TIFAB: variants seen among roughly 807,000 people sequenced by gnomAD.
TIFAB encodes the protein TIFA inhibitor.
For synonymous variants in TIFAB, 116 were observed against 95.2 expected (o/e 1.22, Z -1.27); for missense variants, 222 against 203.6 (o/e 1.09, Z -0.55).
In TIFAB at chr5:135,449,569, G is replaced by C; in HGVS notation, c.371C>G (p.Ala124Gly). 1 of 1,614,230 alleles carries C rather than the reference G, an allele frequency of 6.2e-7. No homozygotes were observed. Among genetic ancestry groups the C allele is most frequent in the Non-Finnish European group, 8.5e-7 (1 of 1,180,042 alleles). ...GCTGACATGGAAATAGCAGACAAAA[G>C]CCTCCAGGGATGTGCCTTCTTCTAC... is the stretch of plus-strand genomic sequence containing the variant. ...VRVEEGTSLE[A>G]FVCYFHVSPS... is the part of the protein sequence containing the mutation. The change falls in exon 2 of 2, where the codon GCT becomes GGT. Residue 124 changes from alanine to glycine, a missense_variant. Ala to Gly is a moderately conservative substitution (Grantham distance 60). Coordinates refer to ENST00000537858, the MANE Select transcript of TIFAB (RefSeq NM_001099221.2).
In TIFAB at chr5:135,451,480, T is replaced by C. The variant is rs562630205; in HGVS notation, c.-11+729A>G. On this transcript the variant is annotated intron_variant, in intron 1 of 1. Coordinates refer to ENST00000537858, the MANE Select transcript of TIFAB (RefSeq NM_001099221.2). ...CATAGTCTGCCGAAAGCCTTTCTTT[T>C]TTTTCTTTTTTTTTTTTTTCTGAGA... 4.1e-5 allele frequency among the ~76,000 whole-genome samples: 6 copies of C among 147,076 alleles called. No individual in the cohort carries two copies. In the East Asian group the frequency reaches 1.2e-3, roughly 30 times the overall value.
intron 1 of TIFAB, among the ~76,000 whole-genome samples, chr5:135,450,911 C>T (rs1165388415): frequency 2.0e-5 from 3 of 152,234 alleles, no homozygotes; most frequent in Non-Finnish European, 4.4e-5. Flanking sequence ...CCTTTCGCTG[C>T]CTTCTGACTC....
chr5:135,449,968 GAC>G lies in TIFAB; in HGVS notation c.-10-21_-10-20del. ...AGAAGTCCTGGGAAGTTGGAACATG[GAC>G]ACACAGGCTCAGCTTCAGTCAGAGA... is the stretch of plus-strand genomic sequence containing the variant. On this transcript the variant is annotated intron_variant, in intron 1 of 1. Coordinates refer to ENST00000537858, the MANE Select transcript of TIFAB (RefSeq NM_001099221.2). The G allele has an allele frequency of 6.6e-7, 1 of 1,514,250 alleles. No individual in the cohort carries two copies. Among genetic ancestry groups the G allele is most frequent in the African/African-American group, 1.4e-5 (1 of 71,772 alleles). 93.8% of individuals were successfully genotyped at this position (1,514,250 alleles called of 1,614,324 possible). A position where few individuals can be genotyped will look rare whatever the true frequency, so the allele number is the denominator to read the frequency against.
rs749660417 is a variant in TIFAB at position 135,449,711 on chromosome 5, C to T, written c.229G>A (p.Ala77Thr). Reference sequence around the variant, plus strand: ...CACACACAGCCCTTGCGGCTCAGGGCCTTGAGGCAGAAGGCCAGCAGGGCA... The same window carrying T: ...CACACACAGCCCTTGCGGCTCAGGGTCTTGAGGCAGAAGGCCAGCAGGGCA... ...GSALLAFCLK[A>T]LSRKGCVWVN... The change falls in exon 2 of 2, where the codon GCC becomes ACC. Residue 77 changes from alanine (A) to threonine (T), a missense_variant. Ala to Thr is a moderately conservative substitution (Grantham distance 58, BLOSUM62 0). Coordinates refer to ENST00000537858, the MANE Select transcript of TIFAB (RefSeq NM_001099221.2). 110 of 1,614,002 alleles carry T rather than the reference C, an allele frequency of 6.8e-5. No individual in the cohort carries two copies. Among genetic ancestry groups the T allele is most frequent in the Non-Finnish European group, 8.5e-5 (100 of 1,180,052 alleles).
At position 135,449,321 on chromosome 5, in the gene TIFAB, C is replaced by T. The variant is rs1580656232; in HGVS notation, c.*133G>A. On this transcript the variant is annotated 3_prime_UTR_variant, in exon 2 of 2. Coordinates refer to ENST00000537858, the MANE Select transcript of TIFAB (RefSeq NM_001099221.2). ...ATCTAGCAAAGGCTTGCTCTAGTGG[C>T]AGGGCTAGCAGAGTGCACTGTCTGG... 24 of 1,256,022 alleles carry T rather than the reference C, an allele frequency of 1.9e-5. No homozygotes were observed. The East Asian group carries it at 5.9e-4, about 31-fold the overall frequency. 77.8% of individuals were successfully genotyped at this position (1,256,022 alleles called of 1,614,324 possible). A position where few individuals can be genotyped will look rare whatever the true frequency, so the allele number is the denominator to read the frequency against.
chr5:135,447,108 T>G lies in TIFAB; in HGVS notation c.*2346A>C. 1.2e-6 allele frequency: 2 copies of G among 1,613,992 alleles called. No homozygotes were observed. The highest frequency in any genetic ancestry group is 3.3e-5 in the Admixed American group (2 of 60,024). On this transcript the variant is annotated 3_prime_UTR_variant, in exon 2 of 2. Coordinates refer to ENST00000537858, the MANE Select transcript of TIFAB (RefSeq NM_001099221.2). Reference sequence around the variant, plus strand: ...ATGTGGGTTGCTGCTCCGTAATGCATAGTTGGGGGACCATTTTGGTCAGTG... The same window carrying G: ...ATGTGGGTTGCTGCTCCGTAATGCAGAGTTGGGGGACCATTTTGGTCAGTG...
Position 135,446,228 on chromosome 5 carries a change from ATAGTAAGTGGG to A in TIFAB, c.*3215_*3225del, listed in dbSNP as rs1451978974. On this transcript the variant is annotated 3_prime_UTR_variant, in exon 2 of 2. Coordinates refer to ENST00000537858, the MANE Select transcript of TIFAB (RefSeq NM_001099221.2). Reference sequence around the variant, plus strand: ...GTTACTTGTCCAGGATCACAGAACTATAGTAAGTGGGGGTGGGGACAAGAATTCTAACCCAG... The same window carrying A: ...GTTACTTGTCCAGGATCACAGAACTAGGTGGGGACAAGAATTCTAACCCAG... The A allele has an allele frequency of 1.1e-6, 1 of 948,700 alleles. No individual in the cohort carries two copies. The highest frequency in any genetic ancestry group is 1.6e-6 in the Non-Finnish European group (1 of 634,072). 58.8% of individuals were successfully genotyped at this position (948,700 alleles called of 1,614,324 possible). A position where few individuals can be genotyped will look rare whatever the true frequency, so the allele number is the denominator to read the frequency against.
In TIFAB at chr5:135,449,365, T is replaced by C; in HGVS notation, c.*89A>G. The C allele has an allele frequency of 6.5e-7, 1 of 1,545,344 alleles. No individual in the cohort carries two copies. The highest frequency in any genetic ancestry group is 8.7e-7 in the Non-Finnish European group (1 of 1,146,788). On this transcript the variant is annotated 3_prime_UTR_variant, in exon 2 of 2. Transcript: ENST00000537858. ...TGTCTGGGGGTTCCCTCTGGAGCTG[T>C]ATTTCTGTTCCTCCTCCAGGTCTTG...
In TIFAB at chr5:135,447,081, G is replaced by A. The variant is rs1279825135; in HGVS notation, c.*2373C>T. 1.9e-6 allele frequency: 3 copies of A among 1,613,940 alleles called. No homozygotes were observed. The African/African-American group carries it at 4.0e-5, about 22-fold the overall frequency. On this transcript the variant is annotated 3_prime_UTR_variant, in exon 2 of 2. Coordinates refer to ENST00000537858, the MANE Select transcript of TIFAB (RefSeq NM_001099221.2). The stretch of plus-strand genomic sequence containing the variant: ...TCCAGGCCGTGGCTTCTCGAGTTCT[G>A]TATGTGGGTTGCTGCTCCGTAATGC...
In TIFAB at chr5:135,449,682, G is replaced by C. The variant is rs374245577; in HGVS notation, c.258C>G (p.Val86=). The change falls in exon 2 of 2, where the codon GTC becomes GTG. Residue 86 remains valine (V), a synonymous_variant. Coordinates refer to ENST00000537858, the MANE Select transcript of TIFAB (RefSeq NM_001099221.2). ...CCAGGTACCTCAGCGTCAGCCCATTGACCCACACACAGCCCTTGCGGCTCA... is the reference window on the plus strand; with the variant it reads ...CCAGGTACCTCAGCGTCAGCCCATTCACCCACACACAGCCCTTGCGGCTCA... ...KALSRKGCVW[V]NGLTLRYLEQ... is the part of the protein sequence containing the mutation. 1.2e-6 allele frequency: 2 copies of C among 1,614,172 alleles called. No homozygotes were observed. The highest frequency in any genetic ancestry group is 1.7e-6 in the Non-Finnish European group (2 of 1,180,046).
At chr5:135,450,087 C>G in intron 1 of TIFAB, 138 bp from the exon 2 acceptor site, 2 of 1,194,146 alleles carry the variant, frequency 1.7e-6, no homozygotes, top group Non-Finnish European at 2.3e-6. Context: ...AGGATGGAGC[C>G]AAGGCTGGAA....
At position 135,447,155 on chromosome 5, in the gene TIFAB, T is replaced by C. The variant is rs772345222; in HGVS notation, c.*2299A>G. The C allele has an allele frequency of 3.1e-6, 5 of 1,612,988 alleles. No individual in the cohort carries two copies. Among genetic ancestry groups the C allele is most frequent in the Non-Finnish European group, 4.2e-6 (5 of 1,179,336 alleles). On this transcript the variant is annotated 3_prime_UTR_variant, in exon 2 of 2. Transcript: ENST00000537858. ...AGTGACAGATCACTGCTGCTTTTCA[T>C]CAGACCAAAATACATGTGGCTTCTT...
rs140173994 is a variant in TIFAB at position 135,447,042 on chromosome 5, G to T, written c.*2412C>A. ...CCAGCTCCTCTCTCCAGTCTTTGGT[G>T]TCCAGGTACAGTCTCCAGGCCGTGG... On this transcript the variant is annotated 3_prime_UTR_variant, in exon 2 of 2. Coordinates refer to ENST00000537858, the MANE Select transcript of TIFAB (RefSeq NM_001099221.2). 90 of 1,613,884 alleles carry T rather than the reference G, an allele frequency of 5.6e-5. No homozygotes were observed. Among genetic ancestry groups the T allele is most frequent in the Admixed American group, 2.0e-4 (12 of 59,998 alleles).
chr5:135,446,285 C>T lies in TIFAB; in HGVS notation c.*3169G>A. ...CCCAGGCAGCAGTCTGACCAGAGGGCCCTAGCTGGGAGCAGCGTTCATGTG... is the reference window on the plus strand; with the variant it reads ...CCCAGGCAGCAGTCTGACCAGAGGGTCCTAGCTGGGAGCAGCGTTCATGTG... On this transcript the variant is annotated 3_prime_UTR_variant, in exon 2 of 2. Transcript: ENST00000537858. 6.8e-7 allele frequency: 1 copy of T among 1,476,882 alleles called. No individual in the cohort carries two copies. Among genetic ancestry groups the T allele is most frequent in the South Asian group, 1.4e-5 (1 of 73,582 alleles). 91.5% of individuals were successfully genotyped at this position (1,476,882 alleles called of 1,614,324 possible).
rs1177478600 is a variant in TIFAB at position 135,446,195 on chromosome 5, G to C, written c.*3259C>G. The C allele has an allele frequency of 1.1e-5, 8 of 713,754 alleles. No homozygotes were observed. Among genetic ancestry groups the C allele is most frequent in the Non-Finnish European group, 2.2e-6 (1 of 445,840 alleles). 44.2% of individuals were successfully genotyped at this position (713,754 alleles called of 1,614,324 possible). On this transcript the variant is annotated 3_prime_UTR_variant, in exon 2 of 2. Transcript: ENST00000537858. Reference sequence around the variant, plus strand: ...CTACAAGAAGAAACTGTGGCACGGAGAGATTCAGTTACTTGTCCAGGATCA... The same window carrying C: ...CTACAAGAAGAAACTGTGGCACGGACAGATTCAGTTACTTGTCCAGGATCA...
At chr5:135,451,029 A>G (rs1349688720) in intron 1 of TIFAB, among the ~76,000 whole-genome samples, 1 of 152,144 alleles carries the variant, frequency 6.6e-6, no homozygotes, top group Non-Finnish European at 1.5e-5. Context: ...GTCTTCCCTG[A>G]GTTCCTCTCT....
chr5:135,449,543 G>C lies in TIFAB; in HGVS notation c.397C>G (p.Pro133Ala). The change falls in exon 2 of 2, where the codon CCT becomes GCT. Residue 133 changes from proline (P) to alanine (A), a missense_variant. Pro to Ala is a conservative substitution (Grantham distance 27, BLOSUM62 -1). Coordinates refer to ENST00000537858, the MANE Select transcript of TIFAB (RefSeq NM_001099221.2). ...TCAGGTCTGTAAATCAGGGGTGAAG[G>C]GCTGACATGGAAATAGCAGACAAAA... ...EAFVCYFHVS[P>A]SPLIYRPEAE... is the part of the protein sequence containing the mutation. 5 of 1,614,200 alleles carry C rather than the reference G, an allele frequency of 3.1e-6. No individual in the cohort carries two copies. Among genetic ancestry groups the C allele is most frequent in the Non-Finnish European group, 4.2e-6 (5 of 1,180,038 alleles).
chr5:135,449,987 A>G (rs2150033505), intron 1 of TIFAB, 38 bp from the exon 2 acceptor site: 2 of 1,512,008 alleles, frequency 1.3e-6, no homozygotes, highest in East Asian at 2.3e-5. Flanking sequence ...GCTCAGCTTC[A>G]GTCAGAGACC....
rs908378014 is a variant in TIFAB, at chr5:135,446,986, G to T, written c.*2468C>A. The T allele has an allele frequency of 3.1e-6, 5 of 1,613,132 alleles. No homozygotes were observed. The highest frequency in any genetic ancestry group is 1.3e-5 in the African/African-American group (1 of 74,930). On this transcript the variant is annotated 3_prime_UTR_variant, in exon 2 of 2. Coordinates refer to ENST00000537858, the MANE Select transcript of TIFAB (RefSeq NM_001099221.2). ...CAAAGTTCTCTGGTGGAGCTGGGGA[G>T]TGGCACCCTGGGAACTCTGGGGTTT...
Sources: gnomAD v4.1 joint callset for allele counts (sites outside exome capture counted in the v4.1 genomes callset) on GRCh38, gnomAD v4.1.1 for gene constraint, MANE v1.5 for transcripts, NCBI Gene and HGNC (gene_info 2026-07-23, HGNC 2026-07-21) for gene names.